USP54: variants seen among roughly 807,000 people sequenced by gnomAD.
USP54 encodes ubiquitin carboxyl-terminal hydrolase 54.
A neutral mutation model predicts 170.5 loss-of-function variants in USP54; 87 were observed. The ratio of observed to expected loss-of-function variants is 0.51; its 90% CI spans 0.43 to 0.61. The LOEUF is 0.61. USP54 is among the 20% of genes least tolerant of loss of function. The pLI, the probability that USP54 is intolerant of heterozygous loss-of-function variation, is 0.00. For synonymous variants in USP54, 655 were observed against 742.8 expected (o/e 0.88, Z 1.92); for missense variants, 1,786 against 2,047.8 (o/e 0.87, Z 2.47).
rs757068447 is a variant in USP54, at chr10:73,516,632, T to A, written c.3794A>T (p.Asn1265Ile). Residue 1265 changes from asparagine (N) to isoleucine (I), a missense_variant, in exon 20 of 24, where the codon AAT becomes ATT. Asn to Ile is a moderately radical substitution (Grantham distance 149). Coordinates refer to ENST00000687698, the MANE Select transcript of USP54 (RefSeq NM_001391956.1). Reference protein sequence around the residue: ...GTSLPLDSWVNITRFCDSQLK... With the variant: ...GTSLPLDSWVIITRFCDSQLK... ...CTGAGAATCACAGAACCTTGTGATA[T>A]TCACCCAGGAATCCAAAGGCAAGGA... 6.2e-7 allele frequency: 1 copy of A among 1,614,218 alleles called. No homozygotes were observed. The highest frequency in any genetic ancestry group is 1.3e-5 in the African/African-American group (1 of 75,052).
chr10:73,577,134 A>C (rs889376782), intron 1 of USP54, among the ~76,000 whole-genome samples: 2 of 152,214 alleles, frequency 1.3e-5, no homozygotes, highest in Admixed American at 1.3e-4. Flanking sequence ...CTCCAGCTTT[A>C]AGTTTTCCTA....
At chr10:73,500,544 A>C in intron 23 of USP54, 111 bp downstream of exon 23, 1 of 1,014,726 alleles carries the variant, frequency 9.9e-7, no homozygotes, top group Non-Finnish European at 1.4e-6. Flanking sequence ...ATATCTTCAC[A>C]CCACTCCACC....
At chr10:73,528,213 C>T (rs1449791605) in intron 15 of USP54, among the ~76,000 whole-genome samples, 2 of 151,810 alleles carry the variant, frequency 1.3e-5, no homozygotes, top group Non-Finnish European at 2.9e-5. Flanking sequence ...GGATTACAGG[C>T]ATGAGCCACC....
chr10:73,503,825 C>T (rs1452338583), intron 22 of USP54, among the ~76,000 whole-genome samples: 2 of 152,136 alleles, frequency 1.3e-5, no homozygotes, highest in African/African-American at 2.4e-5. Flanking sequence ...CTCTGCCACC[C>T]GGATTCAAGC....
intron 1 of USP54, among the ~76,000 whole-genome samples, chr10:73,607,785 C>T (rs546973621): frequency 6.7e-6 from 1 of 148,784 alleles, no homozygotes; most frequent in Middle Eastern, 3.5e-3. Context: ...AAGCCAAGAT[C>T]ACGCCACTGC....
chr10:73,526,105 C>T (rs1009862932), intron 16 of USP54, among the ~76,000 whole-genome samples: 1 of 152,140 alleles, frequency 6.6e-6, no homozygotes, highest in Non-Finnish European at 1.5e-5. Flanking sequence ...TATTTCTGTC[C>T]CTTCTTGCTC....
chr10:73,552,501 T>C (rs1429284702), intron 4 of USP54, among the ~76,000 whole-genome samples: 1 of 151,628 alleles, frequency 6.6e-6, no homozygotes. Context: ...ATATATAAGA[T>C]ATACATCAGC....
chr10:73,577,029 T>C (rs926575747), intron 1 of USP54, among the ~76,000 whole-genome samples: 1 of 152,206 alleles, frequency 6.6e-6, no homozygotes, highest in African/African-American at 2.4e-5. Flanking sequence ...AGGCAATCCA[T>C]TGACCAACTT....
chr10:73,569,945 C>T (rs1274340729), intron 4 of USP54, among the ~76,000 whole-genome samples: 3 of 116,894 alleles, frequency 2.6e-5, no homozygotes, highest in African/African-American at 6.0e-5. Flanking sequence ...AAAAAACACC[C>T]TCCATAGTAA....
intron 1 of USP54, among the ~76,000 whole-genome samples, chr10:73,578,435 G>A (rs1362125217): frequency 6.6e-6 from 1 of 151,958 alleles, no homozygotes; most frequent in Non-Finnish European, 1.5e-5. Context: ...TGTTTCTGAG[G>A]CAGAATCTCA....
chr10:73,539,486 C>T lies in USP54; in HGVS notation c.933G>A (p.Lys311=). 2 of 1,610,126 alleles carry T rather than the reference C, an allele frequency of 1.2e-6. No homozygotes were observed. The highest frequency in any genetic ancestry group is 8.5e-7 in the Non-Finnish European group (1 of 1,177,442). ...KHYSTFFFQT[K]IRKWMYFDDA... is the part of the protein sequence containing the mutation. ...CATCAAAATACATCCATTTGCGAATCTTTGTTTGAAAAAAGAATGTAGAAT... is the reference window on the plus strand; with the variant it reads ...CATCAAAATACATCCATTTGCGAATTTTTGTTTGAAAAAAGAATGTAGAAT... The change falls in exon 10 of 24, where the codon AAG becomes AAA. Residue 311 remains lysine, a synonymous_variant. Transcript: ENST00000687698.
chr10:73,514,414 T>C (rs922725201), intron 20 of USP54, among the ~76,000 whole-genome samples: 1 of 151,782 alleles, frequency 6.6e-6, no homozygotes, highest in African/African-American at 2.4e-5. Context: ...ATATAAAAAT[T>C]AGCTGGGCGT....
intron 4 of USP54, among the ~76,000 whole-genome samples, chr10:73,554,844 G>C (rs1281329257): frequency 6.6e-6 from 1 of 152,130 alleles, no homozygotes; most frequent in Non-Finnish European, 1.5e-5. Flanking sequence ...CATAAGGCTG[G>C]GCACTGTGGC....
intron 4 of USP54, among the ~76,000 whole-genome samples, chr10:73,547,874 C>A (rs926638517): frequency 3.3e-5 from 5 of 151,938 alleles, no homozygotes; most frequent in African/African-American, 1.2e-4. Flanking sequence ...AGCCAAAATA[C>A]ACAAATGGGA....
At chr10:73,548,318 G>A (rs1250942244) in intron 4 of USP54, among the ~76,000 whole-genome samples, 4 of 152,172 alleles carry the variant, frequency 2.6e-5, no homozygotes, top group East Asian at 1.9e-4. Context: ...GGAAGACAGC[G>A]TGGCAATTCC....
At chr10:73,624,060 T>G (rs931793882) in intron 1 of USP54, among the ~76,000 whole-genome samples, 1 of 150,814 alleles carries the variant, frequency 6.6e-6, no homozygotes. Flanking sequence ...AATGTTTAGC[T>G]GCTGACATTA....
chr10:73,600,577 C>T (rs1302011293), intron 1 of USP54, among the ~76,000 whole-genome samples: 3 of 152,058 alleles, frequency 2.0e-5, no homozygotes, highest in Admixed American at 6.6e-5. Context: ...CAATTGGGGC[C>T]TACTTGAGGA....
intron 1 of USP54, among the ~76,000 whole-genome samples, chr10:73,599,327 T>C (rs1480104206): frequency 6.6e-6 from 1 of 152,202 alleles, no homozygotes; most frequent in African/African-American, 2.4e-5. Context: ...TAATCCTAAA[T>C]AGAAGTAATG....
At chr10:73,528,413 G>A (rs540924080) in intron 15 of USP54, among the ~76,000 whole-genome samples, 54 of 146,274 alleles carry the variant, frequency 3.7e-4, no homozygotes, top group African/African-American at 1.3e-3. Context: ...CACCACGCCC[G>A]GCTAATTTTT....
Sources: gnomAD v4.1 joint callset for allele counts (sites outside exome capture counted in the v4.1 genomes callset) on GRCh38, gnomAD v4.1.1 for gene constraint, MANE v1.5 for transcripts, NCBI Gene and HGNC (gene_info 2026-07-23, HGNC 2026-07-21) for gene names.